The following SSBP3 variants were observed in gnomAD, a reference collection of about 807,000 sequenced individuals.
SSBP3 encodes single-stranded DNA-binding protein 3.
SSBP3 carries 5 observed loss-of-function variants against 69.6 expected under a neutral mutation model. The ratio of observed to expected loss-of-function variants is 0.07; its 90% CI spans 0.04 to 0.15. The LOEUF (loss-of-function observed/expected upper bound fraction) is 0.15. SSBP3 is among the 10% of genes least tolerant of loss of function. SSBP3 has a pLI of 1.00. For missense variants in SSBP3, 312 were observed against 534.0 expected (o/e 0.58, Z 4.10); for synonymous variants, 196 against 193.4 (o/e 1.01, Z -0.11).
chr1:54,369,860 C>T (rs1181323330), intron 4 of SSBP3, among the ~76,000 whole-genome samples: 2 of 151,048 alleles, frequency 1.3e-5, no homozygotes, highest in African/African-American at 4.8e-5. Context: ...GTATCCTGGG[C>T]ACAACATTGC....
chr1:54,394,797 G>T (rs1337989148), intron 4 of SSBP3, among the ~76,000 whole-genome samples: 1 of 149,978 alleles, frequency 6.7e-6, no homozygotes, highest in Non-Finnish European at 1.5e-5. Context: ...CCGCCTCCTG[G>T]GTTCACACCA....
intron 4 of SSBP3, among the ~76,000 whole-genome samples, chr1:54,339,584 A>G (rs1301534948): frequency 2.6e-5 from 4 of 152,024 alleles, no homozygotes; most frequent in Non-Finnish European, 4.4e-5. Flanking sequence ...AAAAAACATC[A>G]TTGCAGGAGA....
At chr1:54,228,279 G>A (rs1161687667) in exon 17 of SSBP3, 6 of 1,614,018 alleles carry the variant, frequency 3.7e-6, no homozygotes, top group Non-Finnish European at 5.1e-6. Context: ...AGGAGTGGAG[G>A]AAGTTCCCTC....
chr1:54,344,647 A>G (rs376006641), intron 4 of SSBP3, among the ~76,000 whole-genome samples: 1 of 152,234 alleles, frequency 6.6e-6, no homozygotes, highest in South Asian at 2.1e-4. Flanking sequence ...GAATTGGGGG[A>G]AACATCCGAT....
At chr1:54,336,643 C>T (rs151295831) in intron 4 of SSBP3, among the ~76,000 whole-genome samples, 1 of 152,354 alleles carries the variant, frequency 6.6e-6, no homozygotes, top group Non-Finnish European at 1.5e-5. Context: ...CTCTTCTAAT[C>T]TGTCTGCCAT....
chr1:54,269,285 G>A (rs1322448446), intron 5 of SSBP3, among the ~76,000 whole-genome samples: 1 of 152,168 alleles, frequency 6.6e-6, no homozygotes, highest in Non-Finnish European at 1.5e-5. Flanking sequence ...CTCCACCAGA[G>A]TCATCTGGCC....
At chr1:54,229,484 G>A (rs377051274) in intron 14 of SSBP3, among the ~76,000 whole-genome samples, 1 of 152,216 alleles carries the variant, frequency 6.6e-6, no homozygotes, top group African/African-American at 2.4e-5. Context: ...TGGAGGCACT[G>A]CATGGCACCC....
At chr1:54,251,541 G>A in intron 9 of SSBP3, 75 bp downstream of exon 9, 1 of 1,438,032 alleles carries the variant, frequency 7.0e-7, no homozygotes, top group East Asian at 2.5e-5. Context: ...GAGACTGACA[G>A]AGCATGGAAA....
chr1:54,395,131 T>C (rs1000318982), intron 4 of SSBP3, among the ~76,000 whole-genome samples: 1 of 151,762 alleles, frequency 6.6e-6, no homozygotes, highest in Non-Finnish European at 1.5e-5. Context: ...CAGGGCAGGA[T>C]ACATACCAAA....
intron 4 of SSBP3, among the ~76,000 whole-genome samples, chr1:54,291,999 C>T (rs940879791): frequency 6.6e-6 from 1 of 152,182 alleles, no homozygotes; most frequent in Non-Finnish European, 1.5e-5. Flanking sequence ...GGGAGAGAGG[C>T]CCACACTGAC....
intron 3 of SSBP3, among the ~76,000 whole-genome samples, chr1:54,403,269 A>AG (rs1427529009): frequency 6.6e-6 from 1 of 152,208 alleles, no homozygotes; most frequent in African/African-American, 2.4e-5. Context: ...CTAGCTGCAG[A>AG]GGGGGGCTGG....
intron 4 of SSBP3, among the ~76,000 whole-genome samples, chr1:54,399,204 G>C (rs1481357444): frequency 2.0e-5 from 3 of 152,230 alleles, no homozygotes; most frequent in African/African-American, 7.2e-5. Context: ...AAAATTAATA[G>C]GCTGTCGCCC....
At chr1:54,277,458 A>C (rs1269614525) in intron 5 of SSBP3, among the ~76,000 whole-genome samples, 1 of 151,992 alleles carries the variant, frequency 6.6e-6, no homozygotes, top group African/African-American at 2.4e-5. Context: ...TGGACTTTGG[A>C]GTGTTTGTGG....
At chr1:54,256,899 T>C (rs1028063019) in intron 7 of SSBP3, among the ~76,000 whole-genome samples, 1 of 152,132 alleles carries the variant, frequency 6.6e-6, no homozygotes, top group Non-Finnish European at 1.5e-5. Context: ...TTCTGAACTC[T>C]GGAATGGGCT....
chr1:54,258,193 T>G lies in SSBP3; in HGVS notation c.367-44A>C. ...GAGGCAGGTTATAGATCACAGCACATGGAGAAGCGCAGAAGCAGCTTAAAA... is the reference window on the plus strand; with the variant it reads ...GAGGCAGGTTATAGATCACAGCACAGGGAGAAGCGCAGAAGCAGCTTAAAA... On this transcript the variant is annotated intron_variant, in intron 5 of 17. Transcript: ENST00000610401. This position sits in a 1 kb window ranked among gnomAD's most constrained non-coding sequence, Gnocchi z 4.5. 7.0e-7 allele frequency: 1 copy of G among 1,422,804 alleles called. No individual in the cohort carries two copies. The highest frequency in any genetic ancestry group is 9.3e-7 in the Non-Finnish European group (1 of 1,076,432). The allele number at this position is 1,422,804 out of a possible 1,614,324, so 88.1% of individuals were successfully genotyped here. A position where few individuals can be genotyped will look rare whatever the true frequency, so the allele number is the denominator to read the frequency against.
intron 4 of SSBP3, chr1:54,287,518 A>G (rs1167993861): frequency 6.6e-5 from 10 of 152,244 alleles, no homozygotes; most frequent in African/African-American, 1.9e-4. Context: ...TGATGACTAC[A>G]TACAGAGGGC....
chr1:54,226,765 CT>C (rs1644291916), exon 18 of SSBP3: 1 of 203,962 alleles, frequency 4.9e-6, no homozygotes. Flanking sequence ...AAAAACCCCC[CT>C]GAAAACAAAT....
chr1:54,230,450 C>A (rs980415661), intron 14 of SSBP3, among the ~76,000 whole-genome samples: 6 of 152,136 alleles, frequency 3.9e-5, no homozygotes, highest in African/African-American at 1.4e-4. Context: ...ACTTTAACAT[C>A]AATGTATTAA....
chr1:54,290,286 G>A (rs867037050), intron 4 of SSBP3, among the ~76,000 whole-genome samples: 1 of 152,152 alleles, frequency 6.6e-6, no homozygotes, highest in African/African-American at 2.4e-5. Flanking sequence ...TACCCTCTGT[G>A]GGGGGCATAG....
Sources: allele counts gnomAD v4.1 joint callset (sites outside exome capture counted in the v4.1 genomes callset), GRCh38; gene constraint gnomAD v4.1.1; non-coding constraint Gnocchi (gnomAD v3.1); transcripts MANE v1.5; gene names NCBI Gene and HGNC (gene_info 2026-07-23, HGNC 2026-07-21).